The following PEX14 variants were observed in gnomAD, a reference collection of about 807,000 sequenced individuals.
PEX14 encodes peroxisomal membrane protein PEX14.
In PEX14, 15 loss-of-function variants were observed where a neutral mutation model predicts 49.5. The ratio of observed to expected loss-of-function variants is 0.30; its 90% CI spans 0.20 to 0.47. PEX14 has a LOEUF of 0.47. Among genes scored for constraint, PEX14 ranks in the 20% least tolerant of loss-of-function variants. The pLI, the probability that PEX14 is intolerant of heterozygous loss-of-function variation, is 1.00. For missense variants in PEX14, 398 were observed against 494.8 expected (o/e 0.80, Z 1.86); for synonymous variants, 210 against 212.7 (o/e 0.99, Z 0.11).
intron 3 of PEX14, among the ~76,000 whole-genome samples, chr1:10,549,159 A>G (rs1639263502): frequency 6.6e-6 from 1 of 152,236 alleles, no homozygotes; most frequent in Non-Finnish European, 1.5e-5. Context: ...TCTGTGATAA[A>G]TTAAATATCA....
intron 5 of PEX14, among the ~76,000 whole-genome samples, chr1:10,619,171 G>T (rs1032052410): frequency 6.6e-5 from 10 of 152,146 alleles, no homozygotes; most frequent in African/African-American, 1.9e-4. Context: ...TGACTCCCTT[G>T]TGAAGGCCCA....
chr1:10,525,381 G>A (rs1638442771), intron 2 of PEX14, among the ~76,000 whole-genome samples: 1 of 151,960 alleles, frequency 6.6e-6, no homozygotes, highest in African/African-American at 2.4e-5. Flanking sequence ...TTGCTTTCCT[G>A]TGTTTCACAC....
intron 3 of PEX14, among the ~76,000 whole-genome samples, chr1:10,576,679 G>T (rs1421179022): frequency 6.6e-6 from 1 of 151,360 alleles, no homozygotes; most frequent in African/African-American, 2.4e-5. Flanking sequence ...TACATAACAA[G>T]GTCTCTTTCA....
intron 3 of PEX14, among the ~76,000 whole-genome samples, chr1:10,540,420 A>T (rs1638967993): frequency 6.6e-6 from 1 of 152,172 alleles, no homozygotes; most frequent in Non-Finnish European, 1.5e-5. Context: ...ATTTCATAAC[A>T]GTCTTAATTT....
chr1:10,535,875 A>T, intron 2 of PEX14: 2 of 372,326 alleles, frequency 5.4e-6, no homozygotes, highest in South Asian at 4.3e-5. Flanking sequence ...CATACAGGGC[A>T]CAAGGGCGGC....
At chr1:10,610,328 A>C (rs1570346911) in intron 4 of PEX14, among the ~76,000 whole-genome samples, 1 of 147,312 alleles carries the variant, frequency 6.8e-6, no homozygotes, top group African/African-American at 2.5e-5. Context: ...ATATTTATAT[A>C]TATTATACAC....
intron 2 of PEX14, among the ~76,000 whole-genome samples, chr1:10,523,592 A>C (rs1395725796): frequency 6.6e-6 from 1 of 151,694 alleles, no homozygotes; most frequent in South Asian, 2.1e-4. Flanking sequence ...GAGTGGGGAC[A>C]TAAGAGGCCA....
At chr1:10,540,778 C>T (rs547268852) in intron 3 of PEX14, among the ~76,000 whole-genome samples, 8 of 152,284 alleles carry the variant, frequency 5.3e-5, no homozygotes, top group African/African-American at 1.7e-4. Context: ...CTTGCCAGCT[C>T]CCACCCCTTG....
chr1:10,593,778 C>T (rs745738690), intron 3 of PEX14, among the ~76,000 whole-genome samples: 2 of 152,102 alleles, frequency 1.3e-5, no homozygotes, highest in Non-Finnish European at 1.5e-5. Context: ...TAAATAAATA[C>T]CGATCAGCTT....
chr1:10,540,713 C>T (rs950464927), intron 3 of PEX14, among the ~76,000 whole-genome samples: 6 of 152,176 alleles, frequency 3.9e-5, no homozygotes, highest in Non-Finnish European at 1.5e-5. Flanking sequence ...TTTCACAAAG[C>T]TTTTCTTCCT....
chr1:10,521,432 A>T (rs1239482137), intron 2 of PEX14, among the ~76,000 whole-genome samples: 1 of 152,204 alleles, frequency 6.6e-6, no homozygotes, highest in African/African-American at 2.4e-5. Context: ...TTCATGCTTT[A>T]TTTTAGGTTT....
intron 3 of PEX14, among the ~76,000 whole-genome samples, chr1:10,552,547 A>G (rs1034357062): frequency 2.6e-5 from 4 of 152,378 alleles, no homozygotes; most frequent in Non-Finnish European, 5.9e-5. Flanking sequence ...CCAGTTTAGC[A>G]CATAGAGGCA....
In PEX14 at chr1:10,495,395, C is replaced by CA; in HGVS notation, c.84+74_84+75insA. ...CGCGAGTGAAAAGAAACCTTCTGTTCCTATGGTTCTGCGTCAGTAGTGTCC... is the reference window on the plus strand; with the variant it reads ...CGCGAGTGAAAAGAAACCTTCTGTTCACTATGGTTCTGCGTCAGTAGTGTCC... On this transcript the variant is annotated intron_variant, in intron 2 of 8. Coordinates refer to ENST00000356607, the MANE Select transcript of PEX14 (RefSeq NM_004565.3). This position sits in a 1 kb window ranked among gnomAD's most constrained non-coding sequence, Gnocchi z 4.2. 8.2e-7 allele frequency: 1 copy of CA among 1,226,766 alleles called. No individual in the cohort carries two copies. The highest frequency in any genetic ancestry group is 1.2e-6 in the Non-Finnish European group (1 of 840,796). 76.0% of individuals were successfully genotyped at this position (1,226,766 alleles called of 1,614,324 possible).
chr1:10,475,104 C>G (rs2124357224), intron 1 of PEX14, 102 bp downstream of exon 1: 1 of 1,151,762 alleles, frequency 8.7e-7, no homozygotes. Context: ...GTCTCCGAAG[C>G]TGGGGACCCC....
intron 2 of PEX14, among the ~76,000 whole-genome samples, chr1:10,496,318 C>T (rs766454898): frequency 3.9e-5 from 6 of 152,146 alleles, no homozygotes; most frequent in Non-Finnish European, 8.8e-5. Flanking sequence ...TCACCAGTTA[C>T]GGGCTTATAT....
At chr1:10,486,172 CT>C (rs1170290053) in intron 1 of PEX14, among the ~76,000 whole-genome samples, 1 of 152,054 alleles carries the variant, frequency 6.6e-6, no homozygotes, top group East Asian at 1.9e-4. Flanking sequence ...ATTTTTCTTG[CT>C]TTATTGCACT....
intron 3 of PEX14, among the ~76,000 whole-genome samples, chr1:10,574,243 T>C (rs984485257): frequency 3.3e-5 from 5 of 152,222 alleles, no homozygotes; most frequent in African/African-American, 1.2e-4. Flanking sequence ...TCTGCATGAA[T>C]GAGTCTTAAA....
chr1:10,475,112 C>G, intron 1 of PEX14, 110 bp downstream of exon 1: 1 of 1,061,842 alleles, frequency 9.4e-7, no homozygotes, highest in Non-Finnish European at 1.4e-6. Flanking sequence ...AGCTGGGGAC[C>G]CCGACCTCTT....
chr1:10,497,435 T>C (rs1017076974), intron 2 of PEX14, among the ~76,000 whole-genome samples: 2 of 152,244 alleles, frequency 1.3e-5, no homozygotes, highest in African/African-American at 2.4e-5. Flanking sequence ...GTCTCCTGCA[T>C]GCTCAGCTTA....
Sources: allele counts gnomAD v4.1 joint callset (sites outside exome capture counted in the v4.1 genomes callset), GRCh38; gene constraint gnomAD v4.1.1; non-coding constraint Gnocchi (gnomAD v3.1); transcripts MANE v1.5; gene names NCBI Gene and HGNC (gene_info 2026-07-23, HGNC 2026-07-21).